The following CTNNA2 variants were observed in gnomAD, a reference collection of about 807,000 sequenced individuals.
CTNNA2 encodes the protein catenin alpha 2.
In CTNNA2, 42 loss-of-function variants were observed where a neutral mutation model predicts 101.0. That is an observed-to-expected ratio of 0.42 (90% CI 0.32 to 0.54). The LOEUF is 0.54. Among genes scored for constraint, CTNNA2 ranks in the 20% least tolerant of loss-of-function variants. CTNNA2 has a pLI of 0.14. For synonymous variants in CTNNA2, 450 were observed against 456.4 expected, an observed-to-expected ratio of 0.99 and a Z score of 0.18; for missense variants, 871 against 1,223.1, an observed-to-expected ratio of 0.71 and a Z score of 4.29.
Position 80,020,993 on chromosome 2 carries a change from CTTTT to C in CTNNA2, c.1056+111219_1056+111222del, listed in dbSNP as rs869061321. ...TGAAATTTTTGGAATGACCAATCAT[CTTTT>C]TTTTTTTTTTTTTTTTTTTTTTGAG... On this transcript the variant is annotated intron_variant, in intron 7 of 18. Transcript: ENST00000402739. 5.8e-4 allele frequency among the ~76,000 whole-genome samples: 52 copies of C among 89,350 alleles called. 1 individual carries two copies. Among genetic ancestry groups the C allele is most frequent in the Admixed American group, 2.2e-3 (18 of 8,006 alleles). The allele number at this position is 89,350 out of a possible 152,430, so 58.6% of individuals were successfully genotyped here.
rs563294976 is a variant in CTNNA2 at position 80,358,203 on chromosome 2, G to A, written c.1057-35008G>A. 7.9e-5 allele frequency among the ~76,000 whole-genome samples: 12 copies of A among 152,254 alleles called. No individual in the cohort carries two copies. In the South Asian group the frequency reaches 1.9e-3, roughly 24 times the overall value. On this transcript the variant is annotated intron_variant, in intron 7 of 18. Coordinates refer to ENST00000402739, the MANE Select transcript of CTNNA2 (RefSeq NM_001282597.3). The stretch of plus-strand genomic sequence containing the variant: ...ACTTACAAAGTCCTTAGGACAGTGC[G>A]TGGCAAGGAGTAAGCCTTCAATAGT...
intron 7 of CTNNA2, among the ~76,000 whole-genome samples, chr2:80,059,399 C>T (rs1227890232): frequency 2.6e-5 from 4 of 152,208 alleles, no homozygotes; most frequent in Non-Finnish European, 5.9e-5. Context: ...AATAAATGCA[C>T]ATTGAAACTC....
At chr2:80,125,340 A>T (rs2148885159) in intron 7 of CTNNA2, among the ~76,000 whole-genome samples, 1 of 152,274 alleles carries the variant, frequency 6.6e-6, no homozygotes, top group East Asian at 1.9e-4. Context: ...GATCTGAGCA[A>T]CACTGATGGT....
chr2:80,314,182 A>G (rs917085758), intron 7 of CTNNA2, among the ~76,000 whole-genome samples: 4 of 152,230 alleles, frequency 2.6e-5, no homozygotes, highest in Admixed American at 1.3e-4. Context: ...CTGATGCACA[A>G]TCAAAAGTTT....
intron 7 of CTNNA2, among the ~76,000 whole-genome samples, chr2:80,196,474 T>A (rs1706842357): frequency 6.6e-6 from 1 of 152,204 alleles, no homozygotes; most frequent in African/African-American, 2.4e-5. Flanking sequence ...AGGCCCTATT[T>A]TAATCTCTTG....
intron 15 of CTNNA2, among the ~76,000 whole-genome samples, chr2:80,590,011 A>T (rs1418323934): frequency 6.6e-6 from 1 of 152,244 alleles, no homozygotes; most frequent in Non-Finnish European, 1.5e-5. Flanking sequence ...CAGATACAAC[A>T]ATCTAAGATT....
intron 3 of CTNNA2, among the ~76,000 whole-genome samples, chr2:79,350,380 G>A (rs1249005357): frequency 2.0e-5 from 3 of 152,124 alleles, no homozygotes; most frequent in East Asian, 1.9e-4. Flanking sequence ...CTGAAAACAT[G>A]TGGAATTTGA....
At chr2:79,283,218 C>G (rs1162660620) in intron 2 of CTNNA2, among the ~76,000 whole-genome samples, 46 of 107,052 alleles carry the variant, frequency 4.3e-4, no homozygotes, top group African/African-American at 1.2e-3. Flanking sequence ...TGCCTGTTCA[C>G]TCTGATGGTA....
At chr2:80,414,292 A>G (rs1435389970) in intron 8 of CTNNA2, among the ~76,000 whole-genome samples, 1 of 152,226 alleles carries the variant, frequency 6.6e-6, no homozygotes, top group African/African-American at 2.4e-5. Context: ...GAAGCATTGT[A>G]GCATACTTGC....
At chr2:79,250,110 C>T (rs933025098) in intron 2 of CTNNA2, among the ~76,000 whole-genome samples, 1 of 152,160 alleles carries the variant, frequency 6.6e-6, no homozygotes, top group Non-Finnish European at 1.5e-5. Context: ...AGTACTGCCA[C>T]ACACTGCCCA....
At chr2:80,564,553 T>A (rs1286521713) in intron 12 of CTNNA2, among the ~76,000 whole-genome samples, 1 of 151,816 alleles carries the variant, frequency 6.6e-6, no homozygotes, top group Non-Finnish European at 1.5e-5. Context: ...CAGTCCTTCT[T>A]CATCTTTTAT....
chr2:79,877,661 A>C (rs1683128729), intron 6 of CTNNA2, among the ~76,000 whole-genome samples: 1 of 152,148 alleles, frequency 6.6e-6, no homozygotes, highest in African/African-American at 2.4e-5. Context: ...TGAAAAACTC[A>C]CTCAAACTTC....
In CTNNA2 at chr2:79,670,678, T is replaced by C. The variant is rs189819910; in HGVS notation, c.102+19020T>C. Among the ~76,000 whole-genome samples the C allele has an allele frequency of 3.4e-3, 511 of 152,334 alleles. 4 individuals are homozygous for C. Among genetic ancestry groups the C allele is most frequent in the African/African-American group, 0.012 (495 of 41,588 alleles). On this transcript the variant is annotated intron_variant, in intron 2 of 18. Transcript: ENST00000402739. ...TAATTTTAATTTTTTAAAAACCTAATACTTAGTTTTTGGCAAAAACCAATA... is the reference window on the plus strand; with the variant it reads ...TAATTTTAATTTTTTAAAAACCTAACACTTAGTTTTTGGCAAAAACCAATA...
At chr2:80,232,903 A>T (rs1269397141) in intron 7 of CTNNA2, among the ~76,000 whole-genome samples, 1 of 152,174 alleles carries the variant, frequency 6.6e-6, no homozygotes, top group African/African-American at 2.4e-5. Flanking sequence ...ACCAAAGCTG[A>T]TTTGTAGCCA....
chr2:79,886,101 T>C (rs1415000057), intron 6 of CTNNA2, among the ~76,000 whole-genome samples: 1 of 152,228 alleles, frequency 6.6e-6, no homozygotes, highest in East Asian at 1.9e-4. Flanking sequence ...TGCTGCTGCA[T>C]ACGCTTACGT....
chr2:79,889,091 G>A (rs72809786), intron 6 of CTNNA2, among the ~76,000 whole-genome samples: 7,500 of 152,154 alleles, frequency 0.049, 249 homozygotes, highest in Non-Finnish European at 0.076. Flanking sequence ...GACTTCTCGT[G>A]TGCTTCCTAT....
At chr2:79,226,791 G>A (rs1377813672) in intron 2 of CTNNA2, among the ~76,000 whole-genome samples, 1 of 152,062 alleles carries the variant, frequency 6.6e-6, no homozygotes, top group Non-Finnish European at 1.5e-5. Context: ...ATTGCACCAG[G>A]GGATTCTAGG....
At chr2:80,190,352 G>A (rs952948916) in intron 7 of CTNNA2, among the ~76,000 whole-genome samples, 5 of 152,086 alleles carry the variant, frequency 3.3e-5, no homozygotes, top group Admixed American at 2.0e-4. Flanking sequence ...CAGTGGCAGT[G>A]GCCTGGGCAG....
At chr2:80,379,980 G>T (rs1676341950) in intron 7 of CTNNA2, among the ~76,000 whole-genome samples, 1 of 144,054 alleles carries the variant, frequency 6.9e-6, no homozygotes, top group African/African-American at 2.6e-5. Flanking sequence ...TTACGTAAAA[G>T]TTTTCATTAG....
Sources: gnomAD v4.1 joint callset for allele counts (sites outside exome capture counted in the v4.1 genomes callset) on GRCh38, gnomAD v4.1.1 for gene constraint, MANE v1.5 for transcripts, NCBI Gene and HGNC (gene_info 2026-07-23, HGNC 2026-07-21) for gene names.